Variants in PCDH9 observed in about 807,000 individuals in gnomAD.
PCDH9 encodes protocadherin 9, also known as protocadherin-9.
PCDH9 carries 24 observed loss-of-function variants against 70.6 expected under a neutral mutation model. The ratio of observed to expected loss-of-function variants is 0.34; its 90% CI spans 0.25 to 0.48. The LOEUF (loss-of-function observed/expected upper bound fraction) is 0.48. Among genes scored for constraint, PCDH9 ranks in the 20% least tolerant of loss-of-function variants. The pLI is 0.99. For synonymous variants in PCDH9, 562 were observed against 558.5 expected (o/e 1.01, Z -0.09); for missense variants, 1,281 against 1,503.6 (o/e 0.85, Z 2.45).
chr13:66,970,613 T>A (rs557373710), intron 2 of PCDH9, among the ~76,000 whole-genome samples: 1 of 128,742 alleles, frequency 7.8e-6, no homozygotes, highest in East Asian at 2.2e-4. Flanking sequence ...AGCCTAGGAA[T>A]GAGACCCTGT....
chr13:66,334,584 T>C (rs773892421), intron 4 of PCDH9, among the ~76,000 whole-genome samples: 1 of 152,042 alleles, frequency 6.6e-6, no homozygotes, highest in Non-Finnish European at 1.5e-5. Flanking sequence ...TCCACAACAA[T>C]GTGAGCCCAA....
chr13:67,208,589 C>T (rs1157981677), intron 2 of PCDH9: 1 of 152,004 alleles, frequency 6.6e-6, no homozygotes, highest in African/African-American at 2.4e-5. Flanking sequence ...AAACATTTGG[C>T]ACTACAGAAA....
chr13:66,433,911 G>A (rs914096810), intron 4 of PCDH9, among the ~76,000 whole-genome samples: 8 of 151,780 alleles, frequency 5.3e-5, no homozygotes, highest in East Asian at 1.9e-4. Context: ...TCTTTATTTC[G>A]ATGGTGTTGA....
intron 3 of PCDH9, among the ~76,000 whole-genome samples, chr13:66,816,483 A>G (rs1421247223): frequency 6.6e-6 from 1 of 152,116 alleles, no homozygotes. Context: ...CACCATTCAC[A>G]GTCACAATAC....
chr13:67,115,885 G>A (rs9541008), intron 2 of PCDH9, among the ~76,000 whole-genome samples: 6 of 151,766 alleles, frequency 4.0e-5, no homozygotes, highest in Non-Finnish European at 5.9e-5. Context: ...TCCTATATCC[G>A]CTTTCAAATT....
At chr13:66,874,084 G>T (rs2081751739) in intron 3 of PCDH9, among the ~76,000 whole-genome samples, 1 of 151,814 alleles carries the variant, frequency 6.6e-6, no homozygotes, top group Non-Finnish European at 1.5e-5. Flanking sequence ...GTGGCTACAG[G>T]TGTGTGCCAC....
At chr13:66,979,737 A>G (rs1356665332) in intron 2 of PCDH9, among the ~76,000 whole-genome samples, 1 of 152,158 alleles carries the variant, frequency 6.6e-6, no homozygotes, top group Non-Finnish European at 1.5e-5. Flanking sequence ...TACATTTCTA[A>G]GACCACCAAT....
intron 4 of PCDH9, among the ~76,000 whole-genome samples, chr13:66,468,860 TA>T (rs1958563243): frequency 6.6e-6 from 1 of 152,054 alleles, no homozygotes; most frequent in Non-Finnish European, 1.5e-5. Flanking sequence ...AAGGCTTAAA[TA>T]CTTGAAGTTA....
At chr13:66,778,299 A>T (rs891419960) in intron 3 of PCDH9, among the ~76,000 whole-genome samples, 3 of 152,070 alleles carry the variant, frequency 2.0e-5, no homozygotes, top group African/African-American at 7.2e-5. Flanking sequence ...AATAATAAAA[A>T]TACTCTCTGC....
At chr13:66,697,092 T>C (rs2078573858) in intron 3 of PCDH9, among the ~76,000 whole-genome samples, 1 of 151,986 alleles carries the variant, frequency 6.6e-6, no homozygotes, top group Non-Finnish European at 1.5e-5. Flanking sequence ...AGCAAAACCC[T>C]ACCTCAAAAA....
chr13:66,741,032 C>A (rs2079256130), intron 3 of PCDH9, among the ~76,000 whole-genome samples: 1 of 41,176 alleles, frequency 2.4e-5, no homozygotes. Context: ...GGCAGAGACA[C>A]AACCAAAAAA....
rs200944675 is a variant in PCDH9 at position 67,224,730 on chromosome 13, C to CTTT, written c.3036+672_3036+674dup. 1.3e-3 allele frequency: 709 copies of CTTT among 527,740 alleles called. 5 individuals carry two copies. In the African/African-American group the frequency reaches 0.014, roughly 10 times the overall value. 32.7% of individuals were successfully genotyped at this position (527,740 alleles called of 1,614,324 possible). ...TCAGTTATATTAGGCAGCAAGCATT[C>CTTT]TTTTTTTTTTTTTTTTTGAAAGAGT... On this transcript the variant is annotated intron_variant, in intron 2 of 4. Coordinates refer to ENST00000377865, the MANE Select transcript of PCDH9 (RefSeq NM_203487.3).
intron 3 of PCDH9, among the ~76,000 whole-genome samples, chr13:66,883,378 T>C (rs1168156925): frequency 1.3e-5 from 2 of 152,192 alleles, no homozygotes; most frequent in East Asian, 1.9e-4. Flanking sequence ...TGTGTGTGTG[T>C]GTGCATTTGT....
intron 2 of PCDH9, among the ~76,000 whole-genome samples, chr13:67,092,222 C>T (rs780461190): frequency 1.6e-4 from 25 of 151,980 alleles, no homozygotes; most frequent in African/African-American, 5.8e-4. Flanking sequence ...ATATCTATAT[C>T]GAGGATCTAT....
At chr13:67,123,793 G>C (rs2086921685) in intron 2 of PCDH9, among the ~76,000 whole-genome samples, 1 of 151,822 alleles carries the variant, frequency 6.6e-6, no homozygotes, top group Non-Finnish European at 1.5e-5. Flanking sequence ...GATTAAAAAA[G>C]TTAGTTTATT....
intron 3 of PCDH9, among the ~76,000 whole-genome samples, chr13:66,831,667 G>A (rs887990654): frequency 6.6e-6 from 1 of 152,118 alleles, no homozygotes. Flanking sequence ...AATTAAAACT[G>A]AGGCTGAGAA....
intron 4 of PCDH9, among the ~76,000 whole-genome samples, chr13:66,474,376 ACTT>A (rs1430556077): frequency 6.6e-6 from 1 of 152,154 alleles, no homozygotes; most frequent in African/African-American, 2.4e-5. Context: ...AGATAAATTC[ACTT>A]CTTCTATCTA....
At chr13:66,885,811 G>A (rs2081995629) in intron 3 of PCDH9, among the ~76,000 whole-genome samples, 1 of 151,988 alleles carries the variant, frequency 6.6e-6, no homozygotes, top group South Asian at 2.1e-4. Flanking sequence ...ATCTCTGCTG[G>A]GCTCCAAATA....
At chr13:66,566,800 A>T (rs1233548367) in intron 4 of PCDH9, among the ~76,000 whole-genome samples, 1 of 152,174 alleles carries the variant, frequency 6.6e-6, no homozygotes, top group African/African-American at 2.4e-5. Flanking sequence ...GTTAGACAGC[A>T]TCTTATAAAA....
Sources: allele counts gnomAD v4.1 joint callset (sites outside exome capture counted in the v4.1 genomes callset), GRCh38; gene constraint gnomAD v4.1.1; transcripts MANE v1.5; gene names NCBI Gene and HGNC (gene_info 2026-07-23, HGNC 2026-07-21).